Variants in ACSBG1 observed in about 807,000 individuals in gnomAD.
ACSBG1 encodes long-chain-fatty-acid--CoA ligase ACSBG1.
In ACSBG1, 39 loss-of-function variants were observed where a neutral mutation model predicts 80.2. That is an observed-to-expected ratio of 0.49 (90% CI 0.38 to 0.64). The LOEUF is 0.64. Ranked by LOEUF, ACSBG1 falls within the 30% of genes least tolerant of loss-of-function variation. ACSBG1 has a pLI of 0.00. For synonymous variants in ACSBG1, 392 were observed against 379.5 expected, an observed-to-expected ratio of 1.03 and a Z score of -0.38; for missense variants, 828 against 966.4, an observed-to-expected ratio of 0.86 and a Z score of 1.90.
intron 1 of ACSBG1, among the ~76,000 whole-genome samples, chr15:78,208,968 A>G (rs1390816137): frequency 6.6e-6 from 1 of 152,342 alleles, no homozygotes; most frequent in Admixed American, 6.5e-5. Context: ...CTCCAGAGAC[A>G]CATTTCACAG....
intron 2 of ACSBG1, among the ~76,000 whole-genome samples, chr15:78,198,042 C>A (rs1029877148): frequency 6.6e-6 from 1 of 151,862 alleles, no homozygotes; most frequent in Non-Finnish European, 1.5e-5. Context: ...TTTTTCTTTC[C>A]TTTTTTTTGA....
intron 1 of ACSBG1, among the ~76,000 whole-genome samples, chr15:78,215,857 T>C (rs956643730): frequency 6.6e-6 from 1 of 152,152 alleles, no homozygotes; most frequent in African/African-American, 2.4e-5. Context: ...ACATGGCTCA[T>C]TCCAAGATCA....
Position 78,182,729 on chromosome 15 carries a change from T to G in ACSBG1, c.720A>C (p.Pro240=), listed in dbSNP as rs778855756. The part of the protein sequence containing the change: ...KAVVIYKEPP[P]NKMANVYTME... Reference sequence around the variant, plus strand: ...CCGTGTACACATTGGCCATCTTGTTTGGAGGAGGTTCTTTATATATCACGA... The same window carrying G: ...CCGTGTACACATTGGCCATCTTGTTGGGAGGAGGTTCTTTATATATCACGA... Residue 240 remains proline (P), a synonymous_variant, in exon 6 of 14, where the codon CCA becomes CCC. Coordinates refer to ENST00000258873, the MANE Select transcript of ACSBG1 (RefSeq NM_015162.5). 6.2e-7 allele frequency: 1 copy of G among 1,614,244 alleles called. No homozygotes were observed. The highest frequency in any genetic ancestry group is 1.3e-5 in the African/African-American group (1 of 75,070).
At chr15:78,192,576 G>C (rs570626254) in intron 5 of ACSBG1, among the ~76,000 whole-genome samples, 2 of 152,188 alleles carry the variant, frequency 1.3e-5, no homozygotes, top group Non-Finnish European at 2.9e-5. Context: ...GCTGCAGCCT[G>C]GGTCTCCCCC....
intron 1 of ACSBG1, among the ~76,000 whole-genome samples, chr15:78,224,360 T>C (rs978213453): frequency 3.9e-5 from 6 of 152,212 alleles, no homozygotes; most frequent in African/African-American, 1.4e-4. Flanking sequence ...CACTACATTT[T>C]TGAATGATTT....
intron 1 of ACSBG1, among the ~76,000 whole-genome samples, chr15:78,222,617 C>T (rs1043393103): frequency 3.9e-5 from 6 of 152,172 alleles, no homozygotes; most frequent in African/African-American, 7.2e-5. Context: ...TGCAACTTCA[C>T]TCCAGCCCAG....
intron 2 of ACSBG1, among the ~76,000 whole-genome samples, chr15:78,200,965 G>C (rs2075162205): frequency 6.6e-6 from 1 of 152,170 alleles, no homozygotes; most frequent in Admixed American, 6.5e-5. Context: ...AACCTGAACT[G>C]CTCCCAGTTC....
intron 1 of ACSBG1, among the ~76,000 whole-genome samples, chr15:78,229,135 T>C (rs887067178): frequency 6.6e-6 from 1 of 152,216 alleles, no homozygotes; most frequent in Admixed American, 6.5e-5. Context: ...GTATAATTAT[T>C]TGTTAATGTC....
At chr15:78,195,357 C>T (rs2075103984) in intron 2 of ACSBG1, among the ~76,000 whole-genome samples, 1 of 152,184 alleles carries the variant, frequency 6.6e-6, no homozygotes, top group Admixed American at 6.5e-5. Context: ...GAGGTTCAGT[C>T]ATTTATCGAA....
At chr15:78,205,667 G>A (rs988323320) in intron 2 of ACSBG1, among the ~76,000 whole-genome samples, 4 of 152,206 alleles carry the variant, frequency 2.6e-5, no homozygotes, top group African/African-American at 9.6e-5. Flanking sequence ...AAGAATACAA[G>A]AAAGTCCCTT....
Position 78,193,639 on chromosome 15 carries a change from C to A in ACSBG1, c.543-13G>T, listed in dbSNP as rs2075079508. On this transcript the variant is annotated splice_polypyrimidine_tract_variant and intron_variant, in intron 4 of 13. Coordinates refer to ENST00000258873, the MANE Select transcript of ACSBG1 (RefSeq NM_015162.5). ...AGTGACGATGCCACTGTAGGAGACC[C>A]AGGAAGATTCACCTTAGGGGAGGTG... The A allele has an allele frequency of 2.5e-6, 4 of 1,609,916 alleles. No individual in the cohort carries two copies. The East Asian group carries it at 8.9e-5, about 36-fold the overall frequency.
intron 5 of ACSBG1, among the ~76,000 whole-genome samples, chr15:78,191,658 C>A (rs2075057850): frequency 6.6e-6 from 1 of 152,178 alleles, no homozygotes; most frequent in Non-Finnish European, 1.5e-5. Context: ...AGGCAAACAT[C>A]ATCAAGGGAT....
chr15:78,174,763 A>C, intron 11 of ACSBG1: 1 of 531,316 alleles, frequency 1.9e-6, no homozygotes, highest in East Asian at 3.4e-5. Context: ...GTCATCCACG[A>C]CTCAGCCTGC....
Position 78,168,709 on chromosome 15 carries a change from C to T in ACSBG1, c.*2735G>A. On this transcript the variant is annotated 3_prime_UTR_variant, in exon 14 of 14. Transcript: ENST00000258873. ...TGCATCAAGAGCACCTTATTCTTTG[C>T]AGAGTGCTGTTGTATACACTATGAG... 1 of 381,876 alleles carries T rather than the reference C, an allele frequency of 2.6e-6. No individual in the cohort carries two copies. The allele number at this position is 381,876 out of a possible 1,614,324, so 23.7% of individuals were successfully genotyped here. A position where few individuals can be genotyped will look rare whatever the true frequency, so the allele number is the denominator to read the frequency against.
At chr15:78,206,678 G>T (rs1006491918) in intron 2 of ACSBG1, among the ~76,000 whole-genome samples, 1 of 152,122 alleles carries the variant, frequency 6.6e-6, no homozygotes. Context: ...CTCCAGCCCT[G>T]TCTGAAGGGA....
rs780098570 is a variant in ACSBG1 at position 78,173,619 on chromosome 15, T to A, written c.2063A>T (p.Asp688Val). 1.2e-6 allele frequency: 2 copies of A among 1,613,994 alleles called. No individual in the cohort carries two copies. Among genetic ancestry groups the A allele is most frequent in the African/African-American group, 1.3e-5 (1 of 74,902 alleles). Residue 688 changes from aspartate (D) to valine (V), a missense_variant, in exon 13 of 14, where the codon GAC (aspartate) becomes GTC (valine). By Grantham distance (152) the Asp-to-Val change is radical. Coordinates refer to ENST00000258873, the MANE Select transcript of ACSBG1 (RefSeq NM_015162.5). ...CAACTCTCCACCCGAAATGGAGAAG[T>A]CTCTCTCGAGAATGGCCCACTTCTG... ...HIQKWAILER[D>V]FSISGGELGP... is the part of the protein sequence containing the mutation.
At chr15:78,220,658 G>T (rs2075352982) in intron 1 of ACSBG1, among the ~76,000 whole-genome samples, 2 of 152,098 alleles carry the variant, frequency 1.3e-5, no homozygotes, top group African/African-American at 2.4e-5. Context: ...CTGAGCAAAG[G>T]ATTTGAATAG....
intron 2 of ACSBG1, among the ~76,000 whole-genome samples, chr15:78,202,595 C>T (rs1407345795): frequency 6.6e-6 from 1 of 152,168 alleles, no homozygotes; most frequent in Admixed American, 6.6e-5. Flanking sequence ...AACTCATCTC[C>T]TAACCTCCCT....
At chr15:78,181,027 C>T (rs1033969390) in intron 8 of ACSBG1, 91 bp from the exon 9 acceptor site, 4 of 1,472,146 alleles carry the variant, frequency 2.7e-6, no homozygotes, top group Non-Finnish European at 3.7e-6. Context: ...CGGTGGCACA[C>T]ACATGCTCCA....
Sources: gnomAD v4.1 joint callset for allele counts (sites outside exome capture counted in the v4.1 genomes callset) on GRCh38, gnomAD v4.1.1 for gene constraint, MANE v1.5 for transcripts, NCBI Gene and HGNC (gene_info 2026-07-23, HGNC 2026-07-21) for gene names.